Variants in CCSER1 observed in about 807,000 individuals in gnomAD.
CCSER1 encodes coiled-coil serine rich protein 1, also known as serine-rich coiled-coil domain-containing protein 1.
In CCSER1, 41 loss-of-function variants were observed where a neutral mutation model predicts 82.0. The ratio of observed to expected loss-of-function variants is 0.50; its 90% CI spans 0.39 to 0.65. The LOEUF is 0.65. Ranked by LOEUF, CCSER1 falls within the 30% of genes least tolerant of loss-of-function variation. CCSER1 has a pLI of 0.00. For synonymous variants in CCSER1, 414 were observed against 383.9 expected (o/e 1.08, Z -0.92); for missense variants, 1,119 against 1,064.2 (o/e 1.05, Z -0.72).
chr4:90,902,771 TTAAGAG>T (rs1724850424), intron 8 of CCSER1, among the ~76,000 whole-genome samples: 1 of 152,058 alleles, frequency 6.6e-6, no homozygotes, highest in Non-Finnish European at 1.5e-5. Context: ...TAGATGGTGA[TTAAGAG>T]TAACATCTGT....
chr4:90,857,580 A>G (rs563703300), intron 8 of CCSER1, among the ~76,000 whole-genome samples: 1 of 152,244 alleles, frequency 6.6e-6, no homozygotes, highest in Admixed American at 6.6e-5. Context: ...AAAGTGCATG[A>G]ACACCAGGGA....
intron 1 of CCSER1, among the ~76,000 whole-genome samples, chr4:90,286,935 G>A (rs1489117320): frequency 6.6e-6 from 1 of 151,954 alleles, no homozygotes; most frequent in African/African-American, 2.4e-5. Flanking sequence ...ATTAATCATT[G>A]CAGAATGGAG....
At chr4:90,675,220 A>T (rs887948662) in intron 6 of CCSER1, among the ~76,000 whole-genome samples, 1 of 152,056 alleles carries the variant, frequency 6.6e-6, no homozygotes, top group Non-Finnish European at 1.5e-5. Context: ...GATCTGTCAA[A>T]ATAGTCAATA....
chr4:90,827,932 G>A (rs868308215), intron 8 of CCSER1, among the ~76,000 whole-genome samples: 1 of 152,120 alleles, frequency 6.6e-6, no homozygotes, highest in Non-Finnish European at 1.5e-5. Flanking sequence ...GGGGGAAGGG[G>A]ATGTAGGCAA....
intron 3 of CCSER1, among the ~76,000 whole-genome samples, chr4:90,360,407 G>A (rs1745167238): frequency 6.6e-6 from 1 of 150,494 alleles, no homozygotes; most frequent in South Asian, 2.1e-4. Context: ...GTGGGTGCCT[G>A]TAGTCCCAGC....
In CCSER1 at chr4:90,900,865, A is replaced by G. The variant is rs187523382; in HGVS notation, c.2095-22505A>G. Among the ~76,000 whole-genome samples the G allele has an allele frequency of 2.0e-5, 3 of 151,894 alleles. No homozygotes were observed. The East Asian group carries it at 5.8e-4, about 30-fold the overall frequency. ...TCTTTGTTAGTTTTCTGCTTGGATT[A>G]TTGGTTTAGTGCTGTTGGTGGGGTG... On this transcript the variant is annotated intron_variant, in intron 8 of 10. Coordinates refer to ENST00000509176, the MANE Select transcript of CCSER1 (RefSeq NM_001145065.2).
At chr4:90,960,593 T>C (rs566522884) in intron 9 of CCSER1, among the ~76,000 whole-genome samples, 1 of 152,276 alleles carries the variant, frequency 6.6e-6, no homozygotes, top group East Asian at 1.9e-4. Context: ...TTTAGTTGTA[T>C]CTTCTTCCAG....
At chr4:91,336,644 TAAAAC>T (rs1420510415) in intron 10 of CCSER1, among the ~76,000 whole-genome samples, 3 of 152,042 alleles carry the variant, frequency 2.0e-5, no homozygotes, top group Non-Finnish European at 4.4e-5. Flanking sequence ...TATACAAAAA[TAAAAC>T]AGTCTTTCAG....
chr4:91,512,456 C>T lies in CCSER1; in HGVS notation c.2218-86116C>T, dbSNP rs1247514590. ...GGGCTCTCAGGCCTTTGGCCACAGA[C>T]TGAAGGCTGCACTGTCGGCTTCCCT... On this transcript the variant is annotated intron_variant, in intron 10 of 10. Transcript: ENST00000509176. Among the ~76,000 whole-genome samples, 3 of 152,284 alleles carry T rather than the reference C, an allele frequency of 2.0e-5. No homozygotes were observed. In the South Asian group the frequency reaches 6.2e-4, roughly 32 times the overall value.
At chr4:90,496,386 C>T (rs1351213376) in intron 5 of CCSER1, among the ~76,000 whole-genome samples, 1 of 152,140 alleles carries the variant, frequency 6.6e-6, no homozygotes, top group African/African-American at 2.4e-5. Context: ...TAAATACATT[C>T]AGTATGGAGA....
At chr4:90,745,642 T>C (rs1173791738) in intron 7 of CCSER1, among the ~76,000 whole-genome samples, 2 of 151,606 alleles carry the variant, frequency 1.3e-5, no homozygotes, top group Non-Finnish European at 2.9e-5. Flanking sequence ...GAAAGGAATT[T>C]CCATTGTGCT....
intron 10 of CCSER1, among the ~76,000 whole-genome samples, chr4:91,332,407 CTT>C (rs890183647): frequency 1.3e-5 from 2 of 151,642 alleles, no homozygotes; most frequent in Non-Finnish European, 2.9e-5. Flanking sequence ...AATAAATTAA[CTT>C]AAGTCCCTTA....
chr4:91,218,512 T>G (rs1737479550), intron 10 of CCSER1, among the ~76,000 whole-genome samples: 1 of 152,228 alleles, frequency 6.6e-6, no homozygotes, highest in Non-Finnish European at 1.5e-5. Context: ...CTCTGACGAC[T>G]GCCAGCATGC....
chr4:90,323,177 G>A (rs1224476492), intron 3 of CCSER1, among the ~76,000 whole-genome samples: 1 of 152,144 alleles, frequency 6.6e-6, no homozygotes, highest in African/African-American at 2.4e-5. Context: ...CTTTCCTCAA[G>A]CAGGAGTCTC....
intron 10 of CCSER1, among the ~76,000 whole-genome samples, chr4:91,465,602 C>G (rs1472226847): frequency 6.6e-6 from 1 of 151,976 alleles, no homozygotes; most frequent in Non-Finnish European, 1.5e-5. Context: ...TGATAGACTG[C>G]TAGCAAGACT....
chr4:90,735,479 T>C (rs866445464), intron 7 of CCSER1, among the ~76,000 whole-genome samples: 2 of 152,326 alleles, frequency 1.3e-5, no homozygotes, highest in South Asian at 4.1e-4. Flanking sequence ...AGATGTTTTA[T>C]TACAGCTTCA....
chr4:90,647,561 A>T (rs1727815964), intron 6 of CCSER1, among the ~76,000 whole-genome samples: 1 of 152,206 alleles, frequency 6.6e-6, no homozygotes, highest in Non-Finnish European at 1.5e-5. Flanking sequence ...TTTGTAAGGT[A>T]AGTAAAATGA....
At chr4:90,649,926 G>A (rs1023027675) in intron 6 of CCSER1, among the ~76,000 whole-genome samples, 17 of 152,016 alleles carry the variant, frequency 1.1e-4, no homozygotes, top group African/African-American at 3.4e-4. Context: ...CCAAAATGGC[G>A]AAACCCCATC....
chr4:90,724,032 G>A (rs1251692219), intron 7 of CCSER1, 41 bp downstream of exon 7: 5 of 1,187,982 alleles, frequency 4.2e-6, no homozygotes, highest in Non-Finnish European at 6.1e-6. Context: ...AAAAATATTA[G>A]GATAGTTAAT....
Sources: gnomAD v4.1 joint callset for allele counts (sites outside exome capture counted in the v4.1 genomes callset) on GRCh38, gnomAD v4.1.1 for gene constraint, MANE v1.5 for transcripts, NCBI Gene and HGNC (gene_info 2026-07-23, HGNC 2026-07-21) for gene names.